The following GTF2F2 variants were observed in gnomAD, a reference collection of about 807,000 sequenced individuals.
GTF2F2 encodes ATP-dependent helicase GTF2F2.
In GTF2F2, 23 loss-of-function variants were observed where a neutral mutation model predicts 42.2. That is an observed-to-expected ratio of 0.55 (90% confidence interval 0.39 to 0.77). The LOEUF (loss-of-function observed/expected upper bound fraction) is 0.77, where lower values mean the gene tolerates loss of function less well. Among genes scored for constraint, GTF2F2 ranks in the 30% least tolerant of loss-of-function variants. GTF2F2 has a pLI of 0.00. For missense variants in GTF2F2, 261 were observed against 287.2 expected (o/e 0.91, Z 0.66); for synonymous variants, 105 against 100.8 (o/e 1.04, Z -0.25).
At chr13:45,179,503 C>T (rs896064476) in intron 4 of GTF2F2, among the ~76,000 whole-genome samples, 10 of 152,148 alleles carry the variant, frequency 6.6e-5, no homozygotes, top group African/African-American at 2.4e-4. Flanking sequence ...TTAAAATTTC[C>T]TTCTTATCAC....
intron 4 of GTF2F2, chr13:45,194,537 C>G (rs1872795091): frequency 6.2e-7 from 1 of 1,612,884 alleles, no homozygotes; most frequent in Middle Eastern, 1.7e-4. Context: ...TACTCCTTTT[C>G]TTTTTCTCTT....
intron 4 of GTF2F2, among the ~76,000 whole-genome samples, chr13:45,168,825 TTCCC>T (rs1441197483): frequency 1.5e-5 from 2 of 131,930 alleles, no homozygotes; most frequent in Non-Finnish European, 3.2e-5. Flanking sequence ...CCTTCCTTCC[TTCCC>T]TCCCTCTTTC....
intron 6 of GTF2F2, among the ~76,000 whole-genome samples, chr13:45,253,443 C>G (rs1875960133): frequency 6.6e-6 from 1 of 152,170 alleles, no homozygotes; most frequent in Non-Finnish European, 1.5e-5. Flanking sequence ...CTGATTTCAG[C>G]TTTCACAGGC....
intron 4 of GTF2F2, among the ~76,000 whole-genome samples, chr13:45,163,105 AAT>A (rs936716691): frequency 1.3e-5 from 2 of 152,116 alleles, no homozygotes; most frequent in Admixed American, 1.3e-4. Context: ...AATTTCTAAC[AAT>A]TGTGGAAGTC....
chr13:45,232,162 C>T (rs1182805036), intron 5 of GTF2F2, among the ~76,000 whole-genome samples: 1 of 152,110 alleles, frequency 6.6e-6, no homozygotes, highest in South Asian at 2.1e-4. Flanking sequence ...GAAACATGGC[C>T]TCCATCATCA....
intron 6 of GTF2F2, among the ~76,000 whole-genome samples, chr13:45,260,533 T>C (rs980529522): frequency 2.0e-5 from 3 of 152,206 alleles, no homozygotes; most frequent in African/African-American, 7.2e-5. Flanking sequence ...TTAAAAGGCT[T>C]TACAAAGACT....
At position 45,151,786 on chromosome 13, in the gene GTF2F2, A is replaced by G. The variant is rs1870506780; in HGVS notation, c.259A>G (p.Ser87Gly). 6.3e-7 allele frequency: 1 copy of G among 1,583,324 alleles called. No homozygotes were observed. Among genetic ancestry groups the G allele is most frequent in the Non-Finnish European group, 8.6e-7 (1 of 1,158,290 alleles). Residue 87 changes from serine to glycine, a missense_variant, in exon 4 of 8, where the codon AGT (serine) becomes GGT (glycine). Transcript: ENST00000340473. The part of the protein sequence containing the change: ...APREHPFVLQ[S>G]VGGQTLTVFT... ...TAGAGAACATCCATTTGTCTTGCAA[A>G]GTGTTGGAGGACAGACATTAACAGT... is the stretch of plus-strand genomic sequence containing the variant.
intron 4 of GTF2F2, among the ~76,000 whole-genome samples, chr13:45,163,035 A>G (rs1388646614): frequency 1.3e-5 from 2 of 150,956 alleles, no homozygotes; most frequent in Non-Finnish European, 2.9e-5. Flanking sequence ...CAAAATCTTT[A>G]TAGTTTAACT....
intron 4 of GTF2F2, among the ~76,000 whole-genome samples, chr13:45,178,241 C>T (rs1484315831): frequency 6.6e-6 from 1 of 151,814 alleles, no homozygotes; most frequent in African/African-American, 2.4e-5. Context: ...GCTTGTGCTA[C>T]ACTCTGGAAA....
intron 5 of GTF2F2, among the ~76,000 whole-genome samples, chr13:45,251,586 A>G (rs1349670588): frequency 6.6e-6 from 1 of 152,094 alleles, no homozygotes; most frequent in Non-Finnish European, 1.5e-5. Flanking sequence ...TAGTTTCACC[A>G]TTTAAAAAAA....
chr13:45,267,837 A>G (rs904847266), intron 7 of GTF2F2, among the ~76,000 whole-genome samples: 11 of 146,850 alleles, frequency 7.5e-5, no homozygotes, highest in African/African-American at 2.8e-4. Flanking sequence ...TTTTAATTAG[A>G]ATCTGTGTAG....
At chr13:45,204,704 CT>C (rs1366962198) in intron 4 of GTF2F2, among the ~76,000 whole-genome samples, 2 of 152,056 alleles carry the variant, frequency 1.3e-5, no homozygotes, top group Non-Finnish European at 2.9e-5. Context: ...GTAAATTGGC[CT>C]TTTAAAAATG....
At chr13:45,194,203 A>G in intron 4 of GTF2F2, 1 of 1,614,158 alleles carries the variant, frequency 6.2e-7, no homozygotes, top group Non-Finnish European at 8.5e-7. Flanking sequence ...TTCCTCTGCC[A>G]GTCCCTTGAG....
chr13:45,147,942 G>T (rs1870282520), intron 2 of GTF2F2, among the ~76,000 whole-genome samples: 1 of 152,094 alleles, frequency 6.6e-6, no homozygotes, highest in African/African-American at 2.4e-5. Context: ...TTGCCATAAA[G>T]TTTTTGTTGT....
chr13:45,166,532 C>T (rs868573509), intron 4 of GTF2F2, among the ~76,000 whole-genome samples: 18 of 152,138 alleles, frequency 1.2e-4, no homozygotes, highest in African/African-American at 3.9e-4. Context: ...AGGGAAAGTA[C>T]GAAAGCTGTG....
At chr13:45,122,851 A>G (rs1355347684) in intron 1 of GTF2F2, among the ~76,000 whole-genome samples, 1 of 152,180 alleles carries the variant, frequency 6.6e-6, no homozygotes, top group African/African-American at 2.4e-5. Context: ...CATCTTGTAC[A>G]TATTTAATTC....
chr13:45,136,297 C>T (rs1224704080), intron 1 of GTF2F2, among the ~76,000 whole-genome samples: 1 of 152,206 alleles, frequency 6.6e-6, no homozygotes, highest in African/African-American at 2.4e-5. Context: ...TATTAGCAGC[C>T]TCTTCTTCAC....
intron 4 of GTF2F2, among the ~76,000 whole-genome samples, chr13:45,155,847 A>G (rs992805326): frequency 1.3e-5 from 2 of 151,952 alleles, no homozygotes; most frequent in Non-Finnish European, 2.9e-5. Flanking sequence ...TTGGCCTTAC[A>G]TTTCCCTGCC....
At chr13:45,172,256 C>G (rs1472239052) in intron 4 of GTF2F2, among the ~76,000 whole-genome samples, 1 of 152,078 alleles carries the variant, frequency 6.6e-6, no homozygotes, top group African/African-American at 2.4e-5. Flanking sequence ...TTGTGTTTCC[C>G]TGTGGTTTTG....
Sources: allele counts gnomAD v4.1 joint callset (sites outside exome capture counted in the v4.1 genomes callset), GRCh38; gene constraint gnomAD v4.1.1; transcripts MANE v1.5; gene names NCBI Gene and HGNC (gene_info 2026-07-23, HGNC 2026-07-21).